Variants in TUSC3 observed in about 807,000 individuals in gnomAD.
TUSC3 encodes dolichyl-diphosphooligosaccharide--protein glycosyltransferase subunit TUSC3.
TUSC3 carries 45 observed loss-of-function variants against 44.8 expected under a neutral mutation model. That is an observed-to-expected ratio of 1.00 (90% CI 0.79 to 1.29). The LOEUF (loss-of-function observed/expected upper bound fraction) is 1.29. Among genes scored for constraint, TUSC3 ranks in the 50% most tolerant of loss-of-function variants. The pLI is 0.00. For missense variants in TUSC3, 519 were observed against 437.9 expected (o/e 1.19, Z -1.65); for synonymous variants, 212 against 152.9 (o/e 1.39, Z -2.85).
chr8:15,830,447 G>C, the TUSC3 span, among the ~76,000 whole-genome samples: 1 of 152,252 alleles, frequency 6.6e-6, no homozygotes, highest in Admixed American at 6.5e-5. Flanking sequence ...AATCCAAAAA[G>C]ACACCTGCAC....
chr8:15,677,936 C>G (rs559407186), intron 6 of TUSC3, among the ~76,000 whole-genome samples: 3 of 152,178 alleles, frequency 2.0e-5, no homozygotes, highest in African/African-American at 4.8e-5. Flanking sequence ...TTTTGAAGTC[C>G]TTTCAGAACA....
chr8:15,731,866 A>C (rs1200686159), intron 7 of TUSC3, among the ~76,000 whole-genome samples: 1 of 152,122 alleles, frequency 6.6e-6, no homozygotes, highest in Non-Finnish European at 1.5e-5. Flanking sequence ...TATTCAAGCA[A>C]CCTATTTTAT....
At chr8:15,724,687 C>T (rs1810432191) in intron 6 of TUSC3, among the ~76,000 whole-genome samples, 1 of 152,082 alleles carries the variant, frequency 6.6e-6, no homozygotes, top group South Asian at 2.1e-4. Flanking sequence ...GTCCATTGCC[C>T]TTGTTCTGGC....
chr8:15,756,340 A>C (rs985531480), intron 9 of TUSC3, among the ~76,000 whole-genome samples: 3 of 152,126 alleles, frequency 2.0e-5, no homozygotes, highest in Non-Finnish European at 4.4e-5. Flanking sequence ...AACCTACCTC[A>C]GAATTTTATG....
At chr8:15,705,578 A>G (rs1265557486) in intron 6 of TUSC3, among the ~76,000 whole-genome samples, 1 of 152,112 alleles carries the variant, frequency 6.6e-6, no homozygotes, top group Non-Finnish European at 1.5e-5. Flanking sequence ...ATTCTTCACA[A>G]AGCGCTGATA....
chr8:15,538,804 A>C (rs934458812), upstream of TUSC3, among the ~76,000 whole-genome samples: 4 of 151,902 alleles, frequency 2.6e-5, no homozygotes, highest in Non-Finnish European at 4.4e-5. Context: ...ATCTTGAACA[A>C]TTATACGTAT....
chr8:15,435,426 A>G (rs1312050070), intron 1 of TUSC3, among the ~76,000 whole-genome samples: 2 of 152,208 alleles, frequency 1.3e-5, no homozygotes, highest in African/African-American at 2.4e-5. Context: ...TTTAATACAT[A>G]AACTTAAGGA....
chr8:15,568,362 C>T (rs925862305), intron 1 of TUSC3, among the ~76,000 whole-genome samples: 3 of 152,130 alleles, frequency 2.0e-5, no homozygotes, highest in African/African-American at 7.2e-5. Flanking sequence ...CCTCAGGGAG[C>T]TTCTATAGCT....
At chr8:15,596,851 T>C (rs1274065037) in intron 1 of TUSC3, among the ~76,000 whole-genome samples, 1 of 152,130 alleles carries the variant, frequency 6.6e-6, no homozygotes, top group Admixed American at 6.6e-5. Flanking sequence ...AATGTTCTAA[T>C]TGTACTTAAT....
At chr8:15,651,727 C>T (rs1277145905) in intron 3 of TUSC3, among the ~76,000 whole-genome samples, 6 of 152,130 alleles carry the variant, frequency 3.9e-5, no homozygotes, top group Admixed American at 3.3e-4. Flanking sequence ...TTGGTTAGGT[C>T]ACCTACTCTG....
intron 1 of TUSC3, among the ~76,000 whole-genome samples, chr8:15,457,728 ATAAAATATCTAATAATT>A: frequency 6.7e-6 from 1 of 148,832 alleles, no homozygotes; most frequent in Non-Finnish European, 1.5e-5. Flanking sequence ...ATCTAATAAA[ATAAAATATCTAATAATT>A]TAAAATAAAA....
At chr8:15,684,902 G>T (rs1808567848) in intron 6 of TUSC3, among the ~76,000 whole-genome samples, 1 of 152,156 alleles carries the variant, frequency 6.6e-6, no homozygotes, top group Non-Finnish European at 1.5e-5. Flanking sequence ...GCTGTGCTGT[G>T]GGCACACTTC....
intron 1 of TUSC3, among the ~76,000 whole-genome samples, chr8:15,595,985 C>T (rs961802861): frequency 1.3e-5 from 2 of 152,100 alleles, no homozygotes; most frequent in African/African-American, 4.8e-5. Flanking sequence ...TTCTTCAGGA[C>T]TTCAGAATTA....
intron 2 of TUSC3, among the ~76,000 whole-genome samples, chr8:15,624,196 T>C (rs190977157): frequency 1.3e-5 from 2 of 152,372 alleles, no homozygotes; most frequent in East Asian, 3.9e-4. Flanking sequence ...TATATGGATG[T>C]ACTGCTGTTT....
At chr8:15,841,906 A>T in the TUSC3 span, among the ~76,000 whole-genome samples, 1 of 152,170 alleles carries the variant, frequency 6.6e-6, no homozygotes, top group Non-Finnish European at 1.5e-5. Flanking sequence ...ATATATACCA[A>T]ATCTAAGTGC....
At chr8:15,666,679 A>G (rs1251635755) in intron 5 of TUSC3, among the ~76,000 whole-genome samples, 2 of 151,360 alleles carry the variant, frequency 1.3e-5, no homozygotes, top group African/African-American at 4.8e-5. Context: ...ATATACATAT[A>G]ATCTTTATTT....
intron 1 of TUSC3, among the ~76,000 whole-genome samples, chr8:15,581,700 G>C (rs1344372653): frequency 7.0e-6 from 1 of 143,482 alleles, no homozygotes; most frequent in Non-Finnish European, 1.5e-5. Flanking sequence ...TGCGTGCTGG[G>C]AGAACCACTG....
At chr8:15,779,113 TTTTTTC>T in the TUSC3 span, among the ~76,000 whole-genome samples, 16 of 119,008 alleles carry the variant, frequency 1.3e-4, no homozygotes, top group Admixed American at 1.5e-4. Flanking sequence ...TTTTTTTTTT[TTTTTTC>T]CACGTTACTT....
chr8:15,614,799 T>C (rs915870554), intron 1 of TUSC3, among the ~76,000 whole-genome samples: 12 of 152,146 alleles, frequency 7.9e-5, no homozygotes, highest in Non-Finnish European at 5.9e-5. Flanking sequence ...TTATTATTCT[T>C]TTTTGCTAAG....
Sources: gnomAD v4.1 joint callset for allele counts (sites outside exome capture counted in the v4.1 genomes callset) on GRCh38, gnomAD v4.1.1 for gene constraint, MANE v1.5 for transcripts, NCBI Gene and HGNC (gene_info 2026-07-23, HGNC 2026-07-21) for gene names.